INPP4B: variants seen among roughly 807,000 people sequenced by gnomAD.
The protein encoded by INPP4B is inositol polyphosphate-4-phosphatase type II B.
A neutral mutation model predicts 122.5 loss-of-function variants in INPP4B; 55 were observed. The ratio of observed to expected loss-of-function variants is 0.45; its 90% CI spans 0.36 to 0.56. INPP4B has a LOEUF of 0.56. Ranked by LOEUF, INPP4B falls within the 20% of genes least tolerant of loss-of-function variation. The pLI is 0.00. For missense variants in INPP4B, 1,000 were observed against 1,097.7 expected (o/e 0.91, Z 1.26); for synonymous variants, 403 against 388.7 (o/e 1.04, Z -0.43).
chr4:142,538,010 G>A (rs980735959), intron 2 of INPP4B, among the ~76,000 whole-genome samples: 1 of 152,004 alleles, frequency 6.6e-6, no homozygotes, highest in Non-Finnish European at 1.5e-5. Flanking sequence ...TTTAAAAAGT[G>A]TTGGAGAACT....
At chr4:142,446,005 A>G (rs760646421) in intron 3 of INPP4B, among the ~76,000 whole-genome samples, 1 of 152,096 alleles carries the variant, frequency 6.6e-6, no homozygotes, top group East Asian at 1.9e-4. Flanking sequence ...ACTAAACTAT[A>G]TATCAAAATA....
intron 2 of INPP4B, among the ~76,000 whole-genome samples, chr4:142,574,938 C>A (rs548077523): frequency 1.3e-5 from 2 of 152,074 alleles, no homozygotes; most frequent in South Asian, 4.2e-4. Flanking sequence ...TGAGGAAATG[C>A]CTGGATGGAT....
chr4:142,401,620 C>G (rs1801612671), intron 7 of INPP4B, among the ~76,000 whole-genome samples: 1 of 152,122 alleles, frequency 6.6e-6, no homozygotes. Flanking sequence ...CAGTAACTTA[C>G]CCTTATTAAT....
At chr4:142,070,289 T>A (rs74517172) in intron 25 of INPP4B, among the ~76,000 whole-genome samples, 1 of 152,022 alleles carries the variant, frequency 6.6e-6, no homozygotes, top group Non-Finnish European at 1.5e-5. Flanking sequence ...TTCGACAGCC[T>A]TTCATGATAA....
intron 18 of INPP4B, among the ~76,000 whole-genome samples, chr4:142,140,213 C>T (rs915276392): frequency 7.2e-5 from 11 of 152,286 alleles, no homozygotes; most frequent in Non-Finnish European, 1.0e-4. Context: ...AGTGATGACT[C>T]GAAGCCTATG....
intron 2 of INPP4B, among the ~76,000 whole-genome samples, chr4:142,619,647 G>A (rs1744461891): frequency 6.6e-6 from 1 of 151,966 alleles, no homozygotes; most frequent in Admixed American, 6.6e-5. Flanking sequence ...ATAGGAGTAA[G>A]GTTTCAGTTA....
At chr4:142,188,239 A>G (rs1341788497) in intron 15 of INPP4B, among the ~76,000 whole-genome samples, 3 of 151,844 alleles carry the variant, frequency 2.0e-5, no homozygotes, top group Non-Finnish European at 4.4e-5. Flanking sequence ...TGTAATCCCA[A>G]CACTTTGGGA....
intron 18 of INPP4B, among the ~76,000 whole-genome samples, chr4:142,144,222 T>TACACACAC (rs35496129): frequency 3.1e-4 from 45 of 145,036 alleles, no homozygotes; most frequent in Middle Eastern, 3.4e-3. Context: ...AAATACAAGA[T>TACACACAC]ACACACACAC....
At chr4:142,748,764 G>A (rs527887936) in intron 1 of INPP4B, among the ~76,000 whole-genome samples, 3 of 151,780 alleles carry the variant, frequency 2.0e-5, no homozygotes, top group African/African-American at 7.2e-5. Context: ...GGCAGAAAGA[G>A]GAAAAACAAA....
chr4:142,580,011 T>TA (rs1210199165), intron 2 of INPP4B, among the ~76,000 whole-genome samples: 1 of 151,392 alleles, frequency 6.6e-6, no homozygotes, highest in Non-Finnish European at 1.5e-5. Flanking sequence ...CAAGGGAAGA[T>TA]ACGCAGACTT....
intron 2 of INPP4B, among the ~76,000 whole-genome samples, chr4:142,541,922 C>G (rs1828992845): frequency 6.6e-6 from 1 of 152,110 alleles, no homozygotes; most frequent in African/African-American, 2.4e-5. Context: ...CCACCACTAC[C>G]CACCACCCAC....
chr4:142,828,065 ATCT>A (rs1581008782), intron 1 of INPP4B, among the ~76,000 whole-genome samples: 1 of 152,146 alleles, frequency 6.6e-6, no homozygotes, highest in East Asian at 1.9e-4. Flanking sequence ...AGAACTGATG[ATCT>A]TCTTTCACAC....
chr4:142,836,195 T>C (rs555516434), intron 1 of INPP4B, among the ~76,000 whole-genome samples: 52 of 152,230 alleles, frequency 3.4e-4, no homozygotes, highest in Middle Eastern at 3.4e-3. Flanking sequence ...AATCTAAAAA[T>C]ATTTTGGCAC....
chr4:142,629,954 A>G (rs933011434), intron 2 of INPP4B, among the ~76,000 whole-genome samples: 3 of 152,260 alleles, frequency 2.0e-5, no homozygotes, highest in South Asian at 2.1e-4. Flanking sequence ...GAGTACAGTG[A>G]TGATCCAAAG....
intron 2 of INPP4B, among the ~76,000 whole-genome samples, chr4:142,570,591 C>T (rs1732584980): frequency 6.6e-6 from 1 of 151,842 alleles, no homozygotes; most frequent in African/African-American, 2.4e-5. Flanking sequence ...AAATCTAACA[C>T]CCAGAAGATG....
At chr4:142,415,718 G>A (rs935063310) in intron 5 of INPP4B, among the ~76,000 whole-genome samples, 1 of 152,064 alleles carries the variant, frequency 6.6e-6, no homozygotes, top group African/African-American at 2.4e-5. Context: ...GTTTATTACG[G>A]CACTATTCAC....
At chr4:142,323,449 T>C (rs1319515889) in intron 7 of INPP4B, among the ~76,000 whole-genome samples, 2 of 149,066 alleles carry the variant, frequency 1.3e-5, no homozygotes, top group Non-Finnish European at 3.0e-5. Flanking sequence ...ATGACTTTTT[T>C]TTTTTTTTTT....
chr4:142,521,604 A>G (rs573467497), intron 2 of INPP4B, among the ~76,000 whole-genome samples: 21 of 152,052 alleles, frequency 1.4e-4, no homozygotes, highest in Non-Finnish European at 2.8e-4. Context: ...TATACAATTA[A>G]GGCCATCCTG....
chr4:142,763,326 T>G (rs538329778), intron 1 of INPP4B, among the ~76,000 whole-genome samples: 1 of 152,352 alleles, frequency 6.6e-6, no homozygotes, highest in African/African-American at 2.4e-5. Flanking sequence ...TTTTTAAAAG[T>G]CATTAACACA....
Sources: gnomAD v4.1 joint callset for allele counts (sites outside exome capture counted in the v4.1 genomes callset) on GRCh38, gnomAD v4.1.1 for gene constraint, MANE v1.5 for transcripts, NCBI Gene and HGNC (gene_info 2026-07-23, HGNC 2026-07-21) for gene names.